Variants in ABHD10 observed in about 807,000 individuals in gnomAD.
The protein encoded by ABHD10 is abhydrolase domain containing 10, depalmitoylase.
Under a neutral mutation model 33.1 loss-of-function variants are expected in ABHD10, and 22 were observed. That is an observed-to-expected ratio of 0.66 (90% CI 0.47 to 0.95). ABHD10 has a LOEUF of 0.95. Among genes scored for constraint, ABHD10 ranks in the 40% least tolerant of loss-of-function variants. The pLI is 0.00. For missense variants in ABHD10, 352 were observed against 379.9 expected (o/e 0.93, Z 0.61); for synonymous variants, 146 against 133.9 (o/e 1.09, Z -0.62).
intron 4 of ABHD10, among the ~76,000 whole-genome samples, chr3:111,988,781 G>T (rs1269453924): frequency 4.0e-5 from 6 of 151,794 alleles, no homozygotes; most frequent in African/African-American, 1.5e-4. Context: ...GTAGCGATGG[G>T]GTCTCGCCAT....
intron 4 of ABHD10, among the ~76,000 whole-genome samples, chr3:111,988,386 A>G (rs1036553014): frequency 6.6e-6 from 1 of 151,946 alleles, no homozygotes; most frequent in African/African-American, 2.4e-5. Flanking sequence ...CAATGTCTTC[A>G]TGTTTTTCCC....
chr3:111,984,327 C>T (rs935713641), intron 2 of ABHD10, among the ~76,000 whole-genome samples: 1 of 152,044 alleles, frequency 6.6e-6, no homozygotes, highest in African/African-American at 2.4e-5. Context: ...CTCATAAATC[C>T]CTTACTTACT....
At chr3:111,982,066 A>G (rs968029764) in intron 2 of ABHD10, 99 bp downstream of exon 2, 3 of 952,304 alleles carry the variant, frequency 3.2e-6, no homozygotes, top group East Asian at 3.0e-5. Context: ...CAGCATTTTT[A>G]TACATTATTT....
rs896927825 is a variant in ABHD10, at chr3:111,992,393, TGTA to T, written c.*676_*678del. 38 of 151,678 alleles carry T rather than the reference TGTA, an allele frequency of 2.5e-4. No homozygotes were observed. Among genetic ancestry groups the T allele is most frequent in the African/African-American group, 8.4e-4 (35 of 41,494 alleles). 9.4% of individuals were successfully genotyped at this position (151,678 alleles called of 1,614,324 possible). A position where few individuals can be genotyped will look rare whatever the true frequency, so the allele number is the denominator to read the frequency against. Reference sequence around the variant, plus strand: ...TGGGGAATTTCATCTAAAACAATGATGTAGTATTTTTAATATTCTGATTGGTAA... The same window carrying T: ...TGGGGAATTTCATCTAAAACAATGATGTATTTTTAATATTCTGATTGGTAA... On this transcript the variant is annotated 3_prime_UTR_variant, in exon 5 of 5. Coordinates refer to ENST00000273359, the MANE Select transcript of ABHD10 (RefSeq NM_018394.4).
intron 1 of ABHD10, among the ~76,000 whole-genome samples, chr3:111,981,327 A>C (rs937705078): frequency 3.3e-5 from 5 of 151,396 alleles, no homozygotes; most frequent in Admixed American, 2.6e-4. Context: ...AAAAAAAAAA[A>C]AAAAAAGAAA....
Position 111,991,680 on chromosome 3 carries a change from A to T in ABHD10, c.880A>T (p.Ile294Phe). Residue 294 changes from isoleucine to phenylalanine, a missense_variant, in exon 5 of 5, where the codon ATT (isoleucine) becomes TTT (phenylalanine). Physicochemically the swap from Ile to Phe is conservative, Grantham distance 21. Coordinates refer to ENST00000273359, the MANE Select transcript of ABHD10 (RefSeq NM_018394.4). ...AGACATTCAACTTCTTGTTTACACT[A>T]TTGATGACTTAATTGATAAGCTCTC... ...KADIQLLVYT[I>F]DDLIDKLSTI... is the part of the protein sequence containing the mutation. The T allele has an allele frequency of 6.2e-7, 1 of 1,613,948 alleles. No individual in the cohort carries two copies. Among genetic ancestry groups the T allele is most frequent in the Non-Finnish European group, 8.5e-7 (1 of 1,179,890 alleles).
Position 111,991,800 on chromosome 3 carries a change from T to G in ABHD10, c.*79T>G. 8.6e-7 allele frequency: 1 copy of G among 1,159,480 alleles called. No homozygotes were observed. The highest frequency in any genetic ancestry group is 1.6e-5 in the South Asian group (1 of 63,386). The allele number at this position is 1,159,480 out of a possible 1,614,324, so 71.8% of individuals were successfully genotyped here. On this transcript the variant is annotated 3_prime_UTR_variant, in exon 5 of 5. Transcript: ENST00000273359. ...GATAAGAAATGAAAGATCCTGATAC[T>G]TTAGGTTTTTCCCTTTCCTCTATTT...
In ABHD10 at chr3:111,987,666, C is replaced by T. The variant is rs146949830; in HGVS notation, c.576+615C>T. The stretch of plus-strand genomic sequence containing the variant: ...TATGTAAATTGTTGCTATACTGTAT[C>T]GTTTAGGGAATACGGACAAGAAAAA... On this transcript the variant is annotated intron_variant, in intron 4 of 4. Transcript: ENST00000273359. 4.6e-3 allele frequency among the ~76,000 whole-genome samples: 694 copies of T among 152,232 alleles called. 5 individuals are homozygous for T. The highest frequency in any genetic ancestry group is 0.016 in the African/African-American group (673 of 41,540).
At chr3:111,980,096 T>C (rs751797338) in intron 1 of ABHD10, among the ~76,000 whole-genome samples, 10 of 152,244 alleles carry the variant, frequency 6.6e-5, no homozygotes, top group Non-Finnish European at 1.2e-4. Context: ...TTAATCCTTA[T>C]GTTCAAAGAT....
At chr3:111,981,676 TA>T in intron 1 of ABHD10, 107 bp from the exon 2 acceptor site, 1 of 987,924 alleles carries the variant, frequency 1.0e-6, no homozygotes, top group Non-Finnish European at 1.4e-6. Context: ...ATGGAAATAG[TA>T]TTTAACATCA....
chr3:111,983,081 C>T (rs2072606163), intron 2 of ABHD10, among the ~76,000 whole-genome samples: 1 of 151,432 alleles, frequency 6.6e-6, no homozygotes, highest in Admixed American at 6.8e-5. Context: ...GAGGACCTTT[C>T]ATTCAGGGTG....
chr3:111,991,386 G>C lies in ABHD10; in HGVS notation c.586G>C (p.Glu196Gln). The C allele has an allele frequency of 6.3e-7, 1 of 1,598,660 alleles. No individual in the cohort carries two copies. ...TTTCTTTTTCCAATAGCTAAAAAAG[G>C]AAGTAGAGATGAAAGGTGTGTGGAG... ...FNQLPVELKKEVEMKGVWSMP... is the reference protein window; with the variant it reads ...FNQLPVELKKQVEMKGVWSMP... The change falls in exon 5 of 5, where the codon GAA (glutamate) becomes CAA (glutamine). Residue 196 changes from glutamate (E) to glutamine (Q), a missense_variant. Transcript: ENST00000273359.
At position 111,979,050 on chromosome 3, in the gene ABHD10, A is replaced by G. The variant is rs1470193877; in HGVS notation, c.-12A>G. 3 of 1,611,512 alleles carry G rather than the reference A, an allele frequency of 1.9e-6. No homozygotes were observed. Among genetic ancestry groups the G allele is most frequent in the Non-Finnish European group, 2.5e-6 (3 of 1,178,816 alleles). ...CAGTGGGACACTGCAGGGTGCGGGG[A>G]CAACTACGAAGATGGCGGTTGCGCG... On this transcript the variant is annotated 5_prime_UTR_variant, in exon 1 of 5. Coordinates refer to ENST00000273359, the MANE Select transcript of ABHD10 (RefSeq NM_018394.4).
intron 2 of ABHD10, among the ~76,000 whole-genome samples, chr3:111,983,137 T>G (rs1219366680): frequency 6.6e-6 from 1 of 152,136 alleles, no homozygotes; most frequent in Non-Finnish European, 1.5e-5. Flanking sequence ...GCAGAAATAC[T>G]CATCAGAATG....
In ABHD10 at chr3:111,981,895, T is replaced by C. The variant is rs1350955662; in HGVS notation, c.254T>C (p.Leu85Pro). Residue 85 changes from leucine (L) to proline (P), a missense_variant, in exon 2 of 5, where the codon CTT becomes CCT. Coordinates refer to ENST00000273359, the MANE Select transcript of ABHD10 (RefSeq NM_018394.4). ...GGAATTATCTTCATCCCTGGCTATC[T>C]TTCTTATATGAATGGTACAAAAGCG... ...SPGIIFIPGY[L>P]SYMNGTKALA... The C allele has an allele frequency of 6.2e-7, 1 of 1,608,508 alleles. No homozygotes were observed. The highest frequency in any genetic ancestry group is 8.5e-7 in the Non-Finnish European group (1 of 1,175,978).
In ABHD10 at chr3:111,987,005, C is replaced by T. The variant is rs775942943; in HGVS notation, c.530C>T (p.Thr177Ile). The change falls in exon 4 of 5, where the codon ACA (threonine) becomes ATA (isoleucine). Residue 177 changes from threonine (T) to isoleucine (I), a missense_variant. Physicochemically the swap from Thr to Ile is moderately conservative, Grantham distance 89 (BLOSUM62 -1). Coordinates refer to ENST00000273359, the MANE Select transcript of ABHD10 (RefSeq NM_018394.4). ...GTCGTGGCTCTTATTGGTGTAGCTA[C>T]AGCTGCAGATACCTTAGTGACAAAG... ...EKVVALIGVA[T>I]AADTLVTKFN... 1.9e-6 allele frequency: 3 copies of T among 1,613,292 alleles called. No individual in the cohort carries two copies. Among genetic ancestry groups the T allele is most frequent in the Admixed American group, 3.3e-5 (2 of 59,754 alleles).
chr3:111,989,076 A>T (rs2072708979), intron 4 of ABHD10, among the ~76,000 whole-genome samples: 1 of 152,244 alleles, frequency 6.6e-6, no homozygotes, highest in South Asian at 2.1e-4. Flanking sequence ...ATAAGGAAAG[A>T]GCACCAACAC....
At chr3:111,984,099 T>C (rs1450979525) in intron 2 of ABHD10, among the ~76,000 whole-genome samples, 1 of 152,162 alleles carries the variant, frequency 6.6e-6, no homozygotes, top group Non-Finnish European at 1.5e-5. Context: ...TTCAGCCATA[T>C]CCAATTGCCA....
chr3:111,983,543 C>G (rs2072613261), intron 2 of ABHD10, among the ~76,000 whole-genome samples: 1 of 135,514 alleles, frequency 7.4e-6, no homozygotes, highest in African/African-American at 2.8e-5. Context: ...TTGCTCTTAT[C>G]AAAGTTCATC....
Sources: allele counts gnomAD v4.1 joint callset (sites outside exome capture counted in the v4.1 genomes callset), GRCh38; gene constraint gnomAD v4.1.1; transcripts MANE v1.5; gene names NCBI Gene and HGNC (gene_info 2026-07-23, HGNC 2026-07-21).